Variants in ETNPPL observed in about 807,000 individuals in gnomAD.
ETNPPL encodes the protein alanine--glyoxylate aminotransferase 2-like 1.
A neutral mutation model predicts 55.5 loss-of-function variants in ETNPPL; 30 were observed. The ratio of observed to expected loss-of-function variants is 0.54; its 90% CI spans 0.40 to 0.73. ETNPPL has a LOEUF of 0.73. Among genes scored for constraint, ETNPPL ranks in the 30% least tolerant of loss-of-function variants. ETNPPL has a pLI of 0.00. For synonymous variants in ETNPPL, 202 were observed against 207.2 expected, an observed-to-expected ratio of 0.98 and a Z score of 0.21; for missense variants, 528 against 607.9, an observed-to-expected ratio of 0.87 and a Z score of 1.38.
In ETNPPL at chr4:108,762,890, C is replaced by A; in HGVS notation, c.9G>T (p.Glu3Asp). 1.2e-6 allele frequency: 2 copies of A among 1,614,068 alleles called. No homozygotes were observed. The highest frequency in any genetic ancestry group is 1.7e-6 in the Non-Finnish European group (2 of 1,179,922). MC[E>D]LYSKRDTLGL... is the part of the protein sequence containing the mutation. Reference sequence around the variant, plus strand: ...CCAGAGTGTCCCGCTTACTGTACAGCTCGCACATGGTGGCGGGGTGCAGGG... The same window carrying A: ...CCAGAGTGTCCCGCTTACTGTACAGATCGCACATGGTGGCGGGGTGCAGGG... Residue 3 changes from glutamate to aspartate, a missense_variant, in exon 1 of 13, where the codon GAG becomes GAT. Transcript: ENST00000296486.
At chr4:108,748,538 A>G (rs1216281664) in intron 8 of ETNPPL, among the ~76,000 whole-genome samples, 1 of 152,188 alleles carries the variant, frequency 6.6e-6, no homozygotes, top group Non-Finnish European at 1.5e-5. Context: ...ATTTTCCCCA[A>G]GCAATTTATG....
chr4:108,757,799 G>A (rs188227146), intron 3 of ETNPPL, among the ~76,000 whole-genome samples: 200 of 151,460 alleles, frequency 1.3e-3, no homozygotes, highest in Non-Finnish European at 8.7e-4. Context: ...ATTAGCCCAG[G>A]CATAGTGGGT....
intron 6 of ETNPPL, among the ~76,000 whole-genome samples, chr4:108,751,823 TC>T (rs1728925335): frequency 6.6e-6 from 1 of 152,264 alleles, no homozygotes; most frequent in South Asian, 2.1e-4. Context: ...GAAGCACTGA[TC>T]TTATATTTGT....
intron 3 of ETNPPL, 82 bp downstream of exon 3, chr4:108,759,667 A>G (rs1427458299): frequency 9.1e-6 from 13 of 1,423,878 alleles, no homozygotes; most frequent in Non-Finnish European, 1.3e-5. Flanking sequence ...AAGCTCCACC[A>G]TGAATCAAAA....
chr4:108,743,886 C>A (rs1440720944), intron 11 of ETNPPL, 30 bp from the exon 12 acceptor site: 2 of 1,464,920 alleles, frequency 1.4e-6, no homozygotes, highest in Non-Finnish European at 1.9e-6. Flanking sequence ...ATGGAGAAGA[C>A]AAAATAACAT....
chr4:108,747,895 A>T (rs28579256), intron 9 of ETNPPL, 110 bp downstream of exon 9: 42,359 of 908,058 alleles, frequency 0.047, 3,194 homozygotes, highest in African/African-American at 0.3. Context: ...CACCTGGCTA[A>T]TTTTTTGTAG....
intron 11 of ETNPPL, among the ~76,000 whole-genome samples, chr4:108,745,658 C>T (rs955029836): frequency 9.9e-5 from 15 of 151,876 alleles, no homozygotes; most frequent in Non-Finnish European, 1.8e-4. Flanking sequence ...AGGCTGGACG[C>T]GGTGACTTAC....
chr4:108,752,065 T>C (rs1365456321), intron 6 of ETNPPL, among the ~76,000 whole-genome samples: 2 of 152,162 alleles, frequency 1.3e-5, no homozygotes, highest in Non-Finnish European at 2.9e-5. Context: ...TAGGTCTACC[T>C]GCACAGATGT....
At position 108,750,963 on chromosome 4, in the gene ETNPPL, G is replaced by A. The variant is rs1728883805; in HGVS notation, c.674C>T (p.Pro225Leu). ...TGCCACTTTCTGGAAGTAGCCTGCT[G>A]GAGGAATTATTTGTCCGCCACAACT... ...MQSCGGQIIP[P>L]AGYFQKVAEY... Residue 225 changes from proline (P) to leucine (L), a missense_variant, in exon 7 of 13, where the codon CCA becomes CTA. Transcript: ENST00000296486. 1.2e-6 allele frequency: 2 copies of A among 1,613,430 alleles called. No individual in the cohort carries two copies. Among genetic ancestry groups the A allele is most frequent in the Non-Finnish European group, 1.7e-6 (2 of 1,179,562 alleles).
At chr4:108,755,291 T>C (rs545201216) in intron 4 of ETNPPL, among the ~76,000 whole-genome samples, 28 of 152,258 alleles carry the variant, frequency 1.8e-4, no homozygotes, top group African/African-American at 6.3e-4. Context: ...TTTTATCATA[T>C]ACAAAAATTA....
At chr4:108,744,266 GA>G (rs75070262) in intron 11 of ETNPPL, among the ~76,000 whole-genome samples, 13,938 of 136,498 alleles carry the variant, frequency 0.1, 888 homozygotes, top group African/African-American at 0.2. Context: ...GTCTCAAAAA[GA>G]AAAAAAAAAA....
At chr4:108,755,821 AAAACAAAC>A (rs113876945) in intron 4 of ETNPPL, among the ~76,000 whole-genome samples, 2 of 152,022 alleles carry the variant, frequency 1.3e-5, no homozygotes, top group Non-Finnish European at 2.9e-5. Context: ...ACTCCGTCTC[AAAACAAAC>A]AAACAAACAA....
rs1560645913 is a variant in ETNPPL at position 108,742,428 on chromosome 4, ATCTACTCATTC to A, written c.*45_*55del. The A allele has an allele frequency of 2.5e-6, 4 of 1,591,036 alleles. No individual in the cohort carries two copies. Among genetic ancestry groups the A allele is most frequent in the Non-Finnish European group, 3.4e-6 (4 of 1,160,974 alleles). ...ATAGAGCTATTAACCGATGAGACAC[ATCTACTCATTC>A]TCTGTAACTCTGGACATCGCATCTT... On this transcript the variant is annotated 3_prime_UTR_variant, in exon 13 of 13. Transcript: ENST00000296486.
At chr4:108,750,500 G>A (rs1238557176) in intron 7 of ETNPPL, among the ~76,000 whole-genome samples, 1 of 147,252 alleles carries the variant, frequency 6.8e-6, no homozygotes, top group African/African-American at 2.5e-5. Flanking sequence ...ACCGCCGTGT[G>A]TGTGTGTGTG....
At chr4:108,748,358 T>G (rs1728725021) in intron 8 of ETNPPL, among the ~76,000 whole-genome samples, 199 bp from the exon 9 acceptor site, 1 of 152,192 alleles carries the variant, frequency 6.6e-6, no homozygotes, top group African/African-American at 2.4e-5. Flanking sequence ...CATTCTAAAT[T>G]ATATTATCCA....
intron 9 of ETNPPL, among the ~76,000 whole-genome samples, 191 bp from the exon 10 acceptor site, chr4:108,747,042 C>G (rs1235133458): frequency 6.8e-6 from 1 of 147,268 alleles, no homozygotes; most frequent in African/African-American, 2.5e-5. Flanking sequence ...TTTCTTTTCT[C>G]AATTATAAAA....
rs1729112301 is a variant in ETNPPL, at chr4:108,754,665, A to AC, written c.455_456insG (p.Tyr152Ter). The change falls in exon 5 of 13, where the codon TAT becomes TAGT. Residue 152 changes from tyrosine to a stop codon, truncating the protein, a stop_gained and frameshift_variant. Coordinates refer to ENST00000296486, the MANE Select transcript of ETNPPL (RefSeq NM_031279.4). LOFTEE classifies it high-confidence loss of function. The part of the protein sequence containing the change: ...HLSSLIEISP[Y>*]KFQKGKDVKK... Reference sequence around the variant, plus strand: ...TGACATCTTTTCCTTTCTGAAACTTATATGGGCTAATCTCAATTAAGGATG... The same window carrying AC: ...TGACATCTTTTCCTTTCTGAAACTTACTATGGGCTAATCTCAATTAAGGATG... The AC allele has an allele frequency of 1.4e-5, 22 of 1,601,736 alleles. No individual in the cohort carries two copies. The highest frequency in any genetic ancestry group is 1.9e-5 in the Non-Finnish European group (22 of 1,170,122).
intron 11 of ETNPPL, among the ~76,000 whole-genome samples, chr4:108,744,615 A>G (rs558773932): frequency 8.5e-5 from 13 of 152,262 alleles, no homozygotes; most frequent in African/African-American, 2.9e-4. Flanking sequence ...CAAGTTTCCA[A>G]ACATTCACTA....
intron 9 of ETNPPL, among the ~76,000 whole-genome samples, chr4:108,747,159 ATATAT>A (rs1377086885): frequency 1.3e-4 from 2 of 15,970 alleles, no homozygotes; most frequent in African/African-American, 9.5e-4. Flanking sequence ...ATATATATAT[ATATAT>A]TATATATATA....
Sources: allele counts gnomAD v4.1 joint callset (sites outside exome capture counted in the v4.1 genomes callset), GRCh38; gene constraint gnomAD v4.1.1; transcripts MANE v1.5; gene names NCBI Gene and HGNC (gene_info 2026-07-23, HGNC 2026-07-21).